Variants in CAMTA1 observed in about 807,000 individuals in gnomAD.
CAMTA1 encodes calmodulin binding transcription activator 1, also known as calmodulin-binding transcription activator 1.
A neutral mutation model predicts 170.9 loss-of-function variants in CAMTA1; 27 were observed. The observed-to-expected ratio is 0.16, with a 90% CI of 0.12 to 0.22. The LOEUF (loss-of-function observed/expected upper bound fraction) is 0.22. Among genes scored for constraint, CAMTA1 ranks in the 10% least tolerant of loss-of-function variants. The probability of loss-of-function intolerance (pLI) is 1.00; values close to 1 mark genes in which losing one functional copy is unlikely to be tolerated. For synonymous variants in CAMTA1, 833 were observed against 891.5 expected, an observed-to-expected ratio of 0.93 and a Z score of 1.17; for missense variants, 1,619 against 2,217.2, an observed-to-expected ratio of 0.73 and a Z score of 5.42.
intron 6 of CAMTA1, among the ~76,000 whole-genome samples, chr1:7,488,469 C>T (rs963379300): frequency 6.6e-6 from 1 of 152,080 alleles, no homozygotes; most frequent in African/African-American, 2.4e-5. Context: ...CCTATTTCTG[C>T]CCATCCCATC....
chr1:7,102,551 C>T (rs1351356815), intron 4 of CAMTA1, among the ~76,000 whole-genome samples: 1 of 152,130 alleles, frequency 6.6e-6, no homozygotes, highest in Non-Finnish European at 1.5e-5. Context: ...AGAACGACGT[C>T]TAGGCAGGTG....
At chr1:7,203,059 G>A (rs1429366103) in intron 4 of CAMTA1, among the ~76,000 whole-genome samples, 1 of 152,156 alleles carries the variant, frequency 6.6e-6, no homozygotes, top group Non-Finnish European at 1.5e-5. Context: ...CTAGTTGGGT[G>A]TTTAGGCATG....
Position 7,729,030 on chromosome 1 carries a change from C to T in CAMTA1, c.2915-3418C>T, listed in dbSNP as rs373125110. ...CATAGTTGTGCAATTGGAAGGAAGA[C>T]GTTATTTTTCGCTTTAAAAGAGGAA... On this transcript the variant is annotated intron_variant, in intron 11 of 22. Coordinates refer to ENST00000303635, the MANE Select transcript of CAMTA1 (RefSeq NM_015215.4). Among the ~76,000 whole-genome samples, 24 of 152,094 alleles carry T rather than the reference C, an allele frequency of 1.6e-4. No homozygotes were observed. In the South Asian group the frequency reaches 4.6e-3, roughly 29 times the overall value.
intron 3 of CAMTA1, among the ~76,000 whole-genome samples, chr1:6,908,259 T>G (rs1262703692): frequency 1.3e-5 from 2 of 152,194 alleles, no homozygotes; most frequent in African/African-American, 4.8e-5. Flanking sequence ...AGAGGGGCCG[T>G]TACTCCCCCT....
intron 3 of CAMTA1, among the ~76,000 whole-genome samples, chr1:6,943,252 C>T (rs1317808737): frequency 6.6e-6 from 1 of 152,078 alleles, no homozygotes; most frequent in African/African-American, 2.4e-5. Flanking sequence ...GTCCAGGACA[C>T]CATGGTTCCT....
rs765846095 is a variant in CAMTA1 at position 7,547,784 on chromosome 1, T to C, written c.510+79883T>C. Reference sequence around the variant, plus strand: ...TAAGAGAATTATTCTTCCAACATAATCTCCCTGTACACAACCAGTCTCACA... The same window carrying C: ...TAAGAGAATTATTCTTCCAACATAACCTCCCTGTACACAACCAGTCTCACA... On this transcript the variant is annotated intron_variant, in intron 6 of 22. Transcript: ENST00000303635. This position sits in a 1 kb window ranked among gnomAD's most constrained non-coding sequence, Gnocchi z 5.7. 2.6e-5 allele frequency among the ~76,000 whole-genome samples: 4 copies of C among 152,000 alleles called. No individual in the cohort carries two copies. Among genetic ancestry groups the C allele is most frequent in the Non-Finnish European group, 5.9e-5 (4 of 67,998 alleles).
chr1:7,559,755 A>T lies in CAMTA1; in HGVS notation c.511-80645A>T, dbSNP rs575369602. On this transcript the variant is annotated intron_variant, in intron 6 of 22. Coordinates refer to ENST00000303635, the MANE Select transcript of CAMTA1 (RefSeq NM_015215.4). The stretch of plus-strand genomic sequence containing the variant: ...TGGCATCCTCACTGAATCAGGATGC[A>T]CCCCAGGATGCAACTGATTGCACCC... 6.8e-4 allele frequency among the ~76,000 whole-genome samples: 104 copies of T among 152,114 alleles called. 1 individual carries two copies. Among genetic ancestry groups the T allele is most frequent in the Non-Finnish European group, 1.4e-3 (92 of 67,976 alleles).
At chr1:7,025,631 C>A (rs904028391) in intron 3 of CAMTA1, among the ~76,000 whole-genome samples, 3 of 152,132 alleles carry the variant, frequency 2.0e-5, no homozygotes, top group Non-Finnish European at 4.4e-5. Flanking sequence ...CATTAAGGTG[C>A]TCTCAAGGGT....
intron 3 of CAMTA1, among the ~76,000 whole-genome samples, chr1:6,926,358 CCCTT>C (rs1194688537): frequency 1.0e-4 from 15 of 149,138 alleles, no homozygotes; most frequent in East Asian, 6.1e-4. Flanking sequence ...CTCCCTCCCT[CCCTT>C]CCTTCCTTTC....
At chr1:7,490,875 T>C (rs1373812420) in intron 6 of CAMTA1, among the ~76,000 whole-genome samples, 1 of 152,194 alleles carries the variant, frequency 6.6e-6, no homozygotes, top group African/African-American at 2.4e-5. Context: ...TGGGAAGACT[T>C]TGGGCCTCCA....
At chr1:6,828,286 CT>C (rs746522147) in intron 3 of CAMTA1, among the ~76,000 whole-genome samples, 3,983 of 69,588 alleles carry the variant, frequency 0.057, 26 homozygotes, top group African/African-American at 0.13. Flanking sequence ...TCATTCCATC[CT>C]TTTTTTTTTT....
At position 7,609,893 on chromosome 1, in the gene CAMTA1, C is replaced by G. The variant is rs1459081241; in HGVS notation, c.511-30507C>G. Among the ~76,000 whole-genome samples, 1 of 152,194 alleles carries G rather than the reference C, an allele frequency of 6.6e-6. No homozygotes were observed. Among genetic ancestry groups the G allele is most frequent in the Non-Finnish European group, 1.5e-5 (1 of 68,042 alleles). ...CTCGGATTATTATGTACTGCTCTTA[C>G]TTCACCTCTCCTGGTCTTCATTCTC... is the stretch of plus-strand genomic sequence containing the variant. On this transcript the variant is annotated intron_variant, in intron 6 of 22. Coordinates refer to ENST00000303635, the MANE Select transcript of CAMTA1 (RefSeq NM_015215.4). This position sits in a 1 kb window ranked among gnomAD's most constrained non-coding sequence, Gnocchi z 4.4.
At chr1:7,374,670 C>T (rs544965664) in intron 5 of CAMTA1, among the ~76,000 whole-genome samples, 4 of 152,306 alleles carry the variant, frequency 2.6e-5, no homozygotes, top group East Asian at 1.9e-4. Context: ...AGCAGGCGTG[C>T]GGCACCCCTG....
intron 11 of CAMTA1, among the ~76,000 whole-genome samples, chr1:7,687,882 C>T (rs1355566132): frequency 6.6e-6 from 1 of 152,196 alleles, no homozygotes; most frequent in African/African-American, 2.4e-5. Flanking sequence ...GGAGACAGCT[C>T]CAGGGCCCTG....
rs569476101 is a variant in CAMTA1, at chr1:7,247,595, A to G, written c.303-1896A>G. ...TTGCCACACTCTCATGAGTGTCTTCATTCTTTTTTTGGAGAGAATGAGCCA... is the reference window on the plus strand; with the variant it reads ...TTGCCACACTCTCATGAGTGTCTTCGTTCTTTTTTTGGAGAGAATGAGCCA... On this transcript the variant is annotated intron_variant, in intron 4 of 22. Transcript: ENST00000303635. 1.1e-4 allele frequency among the ~76,000 whole-genome samples: 16 copies of G among 152,250 alleles called. No individual in the cohort carries two copies. In the East Asian group the frequency reaches 2.9e-3, roughly 28 times the overall value.
rs745940570 is a variant in CAMTA1, at chr1:7,542,838, A to AGTTT, written c.510+74939_510+74940insTTGT. 3.8e-3 allele frequency among the ~76,000 whole-genome samples: 211 copies of AGTTT among 56,020 alleles called. 2 individuals carry two copies. Among genetic ancestry groups the AGTTT allele is most frequent in the African/African-American group, 0.013 (187 of 14,602 alleles). The allele number at this position is 56,020 out of a possible 152,430, so 36.8% of individuals were successfully genotyped here. A position where few individuals can be genotyped will look rare whatever the true frequency, so the allele number is the denominator to read the frequency against. On this transcript the variant is annotated intron_variant, in intron 6 of 22. Coordinates refer to ENST00000303635, the MANE Select transcript of CAMTA1 (RefSeq NM_015215.4). The stretch of plus-strand genomic sequence containing the variant: ...AGCCACCACGCCTGGCCTAAAACAC[A>AGTTT]GTGTGTGTGTGTGTGTGTGTGTGTG...
At chr1:7,575,435 T>G (rs2095179355) in intron 6 of CAMTA1, among the ~76,000 whole-genome samples, 1 of 152,166 alleles carries the variant, frequency 6.6e-6, no homozygotes, top group Non-Finnish European at 1.5e-5. Context: ...TTCCTCCTGT[T>G]TCTTAGGGGC....
rs1208137405 is a variant in CAMTA1 at position 7,768,171 on chromosome 1, C to T, written c.*1680C>T. ...TAGTATGAAAAGTAGAAAAATGTCA[C>T]GTTTCCATATCTCCTGCTGGAAATC... On this transcript the variant is annotated 3_prime_UTR_variant, in exon 23 of 23. Transcript: ENST00000303635. The T allele has an allele frequency of 6.7e-6, 1 of 148,382 alleles. No individual in the cohort carries two copies. Among genetic ancestry groups the T allele is most frequent in the African/African-American group, 2.5e-5 (1 of 40,258 alleles). The allele number at this position is 148,382 out of a possible 1,614,324, so 9.2% of individuals were successfully genotyped here.
At chr1:7,215,393 TTTTG>T (rs1558258382) in intron 4 of CAMTA1, among the ~76,000 whole-genome samples, 2 of 152,350 alleles carry the variant, frequency 1.3e-5, no homozygotes, top group South Asian at 2.1e-4. Flanking sequence ...GTATGTAGTT[TTTTG>T]TTTGTTTGTT....
Sources: allele counts gnomAD v4.1 joint callset (sites outside exome capture counted in the v4.1 genomes callset), GRCh38; gene constraint gnomAD v4.1.1; non-coding constraint Gnocchi (gnomAD v3.1); transcripts MANE v1.5; gene names NCBI Gene and HGNC (gene_info 2026-07-23, HGNC 2026-07-21).